SLC52A2: variants seen among roughly 807,000 people sequenced by gnomAD.
The protein encoded by SLC52A2 is solute carrier family 52, riboflavin transporter, member 2.
Under a neutral mutation model 24.8 loss-of-function variants are expected in SLC52A2, and 16 were observed. That is an observed-to-expected ratio of 0.64 (90% CI 0.44 to 0.98). The LOEUF (loss-of-function observed/expected upper bound fraction) is 0.98. Among genes scored for constraint, SLC52A2 ranks in the 50% least tolerant of loss-of-function variants. The pLI is 0.00. For synonymous variants in SLC52A2, 335 were observed against 276.3 expected (o/e 1.21, Z -2.11); for missense variants, 612 against 575.9 (o/e 1.06, Z -0.64).
chr8:144,361,127 C>A lies in SLC52A2; in HGVS notation c.*112C>A, dbSNP rs2130654613. 3.7e-6 allele frequency: 4 copies of A among 1,089,116 alleles called. No individual in the cohort carries two copies. In the Middle Eastern group the frequency reaches 6.1e-4, roughly 166 times the overall value. The allele number at this position is 1,089,116 out of a possible 1,614,324, so 67.5% of individuals were successfully genotyped here. On this transcript the variant is annotated 3_prime_UTR_variant, in exon 5 of 5. Coordinates refer to ENST00000643944, the MANE Select transcript of SLC52A2 (RefSeq NM_001363118.2). ...CCGCACACCGGTACACTCGTGGACACCTACACACTCCATAGGAGATCCTGG... is the reference window on the plus strand; with the variant it reads ...CCGCACACCGGTACACTCGTGGACAACTACACACTCCATAGGAGATCCTGG...
At position 144,360,096 on chromosome 8, in the gene SLC52A2, G is replaced by T. The variant is rs2130642986; in HGVS notation, c.604G>T (p.Ala202Ser). ...CAGCACCTTCTTCTGGGCACTGACT[G>T]CCCTTCTGGTCGCTTCAGCTGCTGC... ...PASTFFWALT[A>S]LLVASAAAFQ... Residue 202 changes from alanine to serine, a missense_variant, in exon 3 of 5, where the codon GCC becomes TCC. Transcript: ENST00000643944. 1 of 1,612,986 alleles carries T rather than the reference G, an allele frequency of 6.2e-7. No individual in the cohort carries two copies. The highest frequency in any genetic ancestry group is 2.2e-5 in the East Asian group (1 of 44,888).
At position 144,360,663 on chromosome 8, in the gene SLC52A2, C is replaced by G; in HGVS notation, c.1075C>G (p.Leu359Val). ...GGGCTACCTGATGGCGCTGGCAGTCCTGAGCCCCTGCCCGCCCCTGGTGGG... is the reference window on the plus strand; with the variant it reads ...GGGCTACCTGATGGCGCTGGCAGTCGTGAGCCCCTGCCCGCCCCTGGTGGG... ...CGGYLMALAV[L>V]SPCPPLVGTS... The change falls in exon 4 of 5, where the codon CTG (leucine) becomes GTG (valine). Residue 359 changes from leucine (L) to valine (V), a missense_variant. Coordinates refer to ENST00000643944, the MANE Select transcript of SLC52A2 (RefSeq NM_001363118.2). The G allele has an allele frequency of 1.2e-6, 2 of 1,604,860 alleles. No homozygotes were observed. The highest frequency in any genetic ancestry group is 1.7e-6 in the Non-Finnish European group (2 of 1,179,468).
Position 144,358,715 on chromosome 8 carries a change from G to T in SLC52A2, c.-461G>T, listed in dbSNP as rs540079494. On this transcript the variant is annotated 5_prime_UTR_variant, in exon 1 of 5. Transcript: ENST00000643944. The stretch of plus-strand genomic sequence containing the variant: ...GGCGTGGCGGGAAGCCGGCACTGGA[G>T]CGGGAGCGCACTGGGCGCGGGACCG... The T allele has an allele frequency of 5.1e-4, 184 of 360,022 alleles. 1 individual carries two copies. Among genetic ancestry groups the T allele is most frequent in the African/African-American group, 3.6e-3 (172 of 47,628 alleles). The allele number at this position is 360,022 out of a possible 1,614,324, so 22.3% of individuals were successfully genotyped here.
chr8:144,359,281 A>G lies in SLC52A2; in HGVS notation c.-13A>G. The G allele has an allele frequency of 6.2e-7, 1 of 1,606,364 alleles. No homozygotes were observed. The highest frequency in any genetic ancestry group is 1.1e-5 in the South Asian group (1 of 90,064). On this transcript the variant is annotated 5_prime_UTR_variant, in exon 2 of 5. Coordinates refer to ENST00000643944, the MANE Select transcript of SLC52A2 (RefSeq NM_001363118.2). ...CCTTTGCCCTGACCTGGAAGGGCCC[A>G]GCCTTGGGCTGAATGGCAGCACCCA...
At position 144,359,347 on chromosome 8, in the gene SLC52A2, C is replaced by T; in HGVS notation, c.54C>T (p.Leu18=). 6.2e-7 allele frequency: 1 copy of T among 1,614,000 alleles called. No homozygotes were observed. The highest frequency in any genetic ancestry group is 8.5e-7 in the Non-Finnish European group (1 of 1,179,996). ...RPVLTHLLVA[L]FGMGSWAAVN... is the part of the protein sequence containing the mutation. ...TGCTGACCCACCTGCTGGTGGCTCT[C>T]TTCGGCATGGGCTCCTGGGCTGCGG... Residue 18 remains leucine (L), a synonymous_variant, in exon 2 of 5, where the codon CTC becomes CTT. Coordinates refer to ENST00000643944, the MANE Select transcript of SLC52A2 (RefSeq NM_001363118.2).
chr8:144,359,080 A>G lies in SLC52A2; in HGVS notation c.-111+15A>G, dbSNP rs114304511. ...GGTCCCGCTGGGTACGTTTTAGCCA[A>G]TCCTCCCCATCTGCGCTCCTGCCCG... On this transcript the variant is annotated intron_variant, in intron 1 of 4. Coordinates refer to ENST00000643944, the MANE Select transcript of SLC52A2 (RefSeq NM_001363118.2). 7.4e-3 allele frequency: 4,907 copies of G among 660,422 alleles called. 95 individuals carry two copies. Among genetic ancestry groups the G allele is most frequent in the African/African-American group, 0.053 (2,908 of 54,536 alleles). 40.9% of individuals were successfully genotyped at this position (660,422 alleles called of 1,614,324 possible). A position where few individuals can be genotyped will look rare whatever the true frequency, so the allele number is the denominator to read the frequency against.
At position 144,360,176 on chromosome 8, in the gene SLC52A2, G is replaced by A. The variant is rs1818762163; in HGVS notation, c.684G>A (p.Glu228=). The A allele has an allele frequency of 1.2e-6, 2 of 1,612,886 alleles. No individual in the cohort carries two copies. Among genetic ancestry groups the A allele is most frequent in the Admixed American group, 1.7e-5 (1 of 60,020 alleles). ...LPPPPSVPTG[E]LGSGLQVGAP... ...CACCACCATCTGTACCCACAGGGGA[G>A]TTAGGATCAGGCCTCCAGGTGGGAG... Residue 228 remains glutamate, a synonymous_variant, in exon 3 of 5, where the codon GAG becomes GAA. Transcript: ENST00000643944.
chr8:144,361,110 C>A lies in SLC52A2; in HGVS notation c.*95C>A. 7.9e-7 allele frequency: 1 copy of A among 1,264,498 alleles called. No homozygotes were observed. Among genetic ancestry groups the A allele is most frequent in the Non-Finnish European group, 1.1e-6 (1 of 888,210 alleles). 78.3% of individuals were successfully genotyped at this position (1,264,498 alleles called of 1,614,324 possible). ...CCTGCAGCCCAGGAGGCCCGCACAC[C>A]GGTACACTCGTGGACACCTACACAC... On this transcript the variant is annotated 3_prime_UTR_variant, in exon 5 of 5. Coordinates refer to ENST00000643944, the MANE Select transcript of SLC52A2 (RefSeq NM_001363118.2).
intron 3 of SLC52A2, 39 bp from the exon 4 acceptor site, chr8:144,360,551 T>C (rs782046321): frequency 6.3e-7 from 1 of 1,582,660 alleles, no homozygotes; most frequent in Admixed American, 1.7e-5. Context: ...AGCCAGGTCC[T>C]GGCGCAGTCA....
Position 144,360,054 on chromosome 8 carries a change from C to T in SLC52A2, c.562C>T (p.Leu188Phe), listed in dbSNP as rs1554854061. 3 of 1,612,836 alleles carry T rather than the reference C, an allele frequency of 1.9e-6. No individual in the cohort carries two copies. Among genetic ancestry groups the T allele is most frequent in the South Asian group, 1.1e-5 (1 of 91,092 alleles). Residue 188 changes from leucine (L) to phenylalanine (F), a missense_variant, in exon 3 of 5, where the codon CTT (leucine) becomes TTT (phenylalanine). Coordinates refer to ENST00000643944, the MANE Select transcript of SLC52A2 (RefSeq NM_001363118.2). ...NGTPGPPLDF[L>F]ERFPASTFFW... Reference sequence around the variant, plus strand: ...CACCCCTGGCCCCCCGCTCGACTTCCTTGAGCGTTTTCCCGCCAGCACCTT... The same window carrying T: ...CACCCCTGGCCCCCCGCTCGACTTCTTTGAGCGTTTTCCCGCCAGCACCTT...
At position 144,359,941 on chromosome 8, in the gene SLC52A2, G is replaced by C; in HGVS notation, c.449G>C (p.Gly150Ala). The C allele has an allele frequency of 6.2e-7, 1 of 1,613,456 alleles. No homozygotes were observed. The highest frequency in any genetic ancestry group is 8.5e-7 in the Non-Finnish European group (1 of 1,180,006). Residue 150 changes from glycine (G) to alanine (A), a missense_variant, in exon 3 of 5, where the codon GGT (glycine) becomes GCT (alanine). Physicochemically the swap from Gly to Ala is moderately conservative, Grantham distance 60 (BLOSUM62 0). Transcript: ENST00000643944. Reference protein sequence around the residue: ...PPRFLRSFFLGQGLSALLPCV... With the variant: ...PPRFLRSFFLAQGLSALLPCV... ...CGCTTCTTACGGTCATTCTTCCTGG[G>C]TCAAGGCCTGAGTGCCCTGCTGCCC...
rs1554853770 is a variant in SLC52A2 at position 144,359,396 on chromosome 8, C to T, written c.103C>T (p.Pro35Ser). ...GGTCAATGGGATCTGGGTGGAGCTA[C>T]CTGTGGTGGTCAAAGAGCTTCCAGA... is the stretch of plus-strand genomic sequence containing the variant. Reference protein sequence around the residue: ...AAVNGIWVELPVVVKELPEGW... With the variant: ...AAVNGIWVELSVVVKELPEGW... The change falls in exon 2 of 5, where the codon CCT becomes TCT. Residue 35 changes from proline to serine, a missense_variant. Transcript: ENST00000643944. The T allele has an allele frequency of 6.2e-7, 1 of 1,614,034 alleles. No individual in the cohort carries two copies. The highest frequency in any genetic ancestry group is 1.7e-5 in the Admixed American group (1 of 60,002).
Position 144,359,238 on chromosome 8 carries a change from G to A in SLC52A2, c.-56G>A. On this transcript the variant is annotated 5_prime_UTR_variant, in exon 2 of 5. Coordinates refer to ENST00000643944, the MANE Select transcript of SLC52A2 (RefSeq NM_001363118.2). ...CCAAAGCGTGTCTGGCCCTAGGTGG[G>A]AAAAGAACTGGCTGTGACCTTTGCC... is the stretch of plus-strand genomic sequence containing the variant. 1 of 1,554,484 alleles carries A rather than the reference G, an allele frequency of 6.4e-7. No homozygotes were observed. The highest frequency in any genetic ancestry group is 8.7e-7 in the Non-Finnish European group (1 of 1,152,504).
chr8:144,361,037 G>A lies in SLC52A2; in HGVS notation c.*22G>A, dbSNP rs781838883. On this transcript the variant is annotated 3_prime_UTR_variant, in exon 5 of 5. Coordinates refer to ENST00000643944, the MANE Select transcript of SLC52A2 (RefSeq NM_001363118.2). The stretch of plus-strand genomic sequence containing the variant: ...CTGAGCCTGGGCAGGTGGGGACCCC[G>A]CTCCCCAACACCTGTCTTTCCCTCA... 8.1e-6 allele frequency: 13 copies of A among 1,603,158 alleles called. No homozygotes were observed. Among genetic ancestry groups the A allele is most frequent in the South Asian group, 1.1e-5 (1 of 90,854 alleles).
chr8:144,359,970 G>C lies in SLC52A2; in HGVS notation c.478G>C (p.Val160Leu). The change falls in exon 3 of 5, where the codon GTG becomes CTG. Residue 160 changes from valine (V) to leucine (L), a missense_variant. By Grantham distance (32) the Val-to-Leu change is conservative (BLOSUM62 1). Transcript: ENST00000643944. ...AGGCCTGAGTGCCCTGCTGCCCTGC[G>C]TGCTGGCCCTAGTGCAGGGTGTGGG... is the stretch of plus-strand genomic sequence containing the variant. Reference protein sequence around the residue: ...GQGLSALLPCVLALVQGVGRL... With the variant: ...GQGLSALLPCLLALVQGVGRL... 6.2e-7 allele frequency: 1 copy of C among 1,613,160 alleles called. No individual in the cohort carries two copies. Among genetic ancestry groups the C allele is most frequent in the Non-Finnish European group, 8.5e-7 (1 of 1,179,990 alleles).
intron 2 of SLC52A2, 72 bp from the exon 3 acceptor site, chr8:144,359,551 G>A: frequency 6.2e-7 from 1 of 1,604,908 alleles, no homozygotes; most frequent in Non-Finnish European, 8.5e-7. Context: ...GGTGTGCCCA[G>A]GAAGGTGGGC....
chr8:144,360,575 GCTCGCT>G lies in SLC52A2; in HGVS notation c.1002-13_1002-8del. 3.1e-6 allele frequency: 5 copies of G among 1,591,206 alleles called. No individual in the cohort carries two copies. The highest frequency in any genetic ancestry group is 4.3e-6 in the Non-Finnish European group (5 of 1,172,768). ...CTGGCGCAGTCAGCCCTGACATTCT[GCTCGCT>G]CACTGCAGGTCCTTGGCAGGGCTGG... On this transcript the variant is annotated splice_polypyrimidine_tract_variant and intron_variant, in intron 3 of 4. Coordinates refer to ENST00000643944, the MANE Select transcript of SLC52A2 (RefSeq NM_001363118.2).
At position 144,358,990 on chromosome 8, in the gene SLC52A2, C is replaced by T. The variant is rs1235834646; in HGVS notation, c.-186C>T. On this transcript the variant is annotated 5_prime_UTR_variant, in exon 1 of 5. Coordinates refer to ENST00000643944, the MANE Select transcript of SLC52A2 (RefSeq NM_001363118.2). ...CCTGGAGAGGAGGGCTCCACTCGCT[C>T]CTTCGGCCTCCTCCCCTGGGGCCGC... 1.7e-5 allele frequency: 6 copies of T among 363,458 alleles called. No homozygotes were observed. The highest frequency in any genetic ancestry group is 4.2e-5 in the African/African-American group (2 of 47,722). 22.5% of individuals were successfully genotyped at this position (363,458 alleles called of 1,614,324 possible). A position where few individuals can be genotyped will look rare whatever the true frequency, so the allele number is the denominator to read the frequency against.
At position 144,359,923 on chromosome 8, in the gene SLC52A2, T is replaced by C; in HGVS notation, c.431T>C (p.Leu144Ser). ...PFLSHLPPRF[L>S]RSFFLGQGLS... ...TTGAGCCACCTGCCACCTCGCTTCT[T>C]ACGGTCATTCTTCCTGGGTCAAGGC... is the stretch of plus-strand genomic sequence containing the variant. Residue 144 changes from leucine to serine, a missense_variant, in exon 3 of 5, where the codon TTA (leucine) becomes TCA (serine). Transcript: ENST00000643944. 6.2e-7 allele frequency: 1 copy of C among 1,613,676 alleles called. No homozygotes were observed. The highest frequency in any genetic ancestry group is 8.5e-7 in the Non-Finnish European group (1 of 1,180,024).
Sources: gnomAD v4.1 joint callset for allele counts on GRCh38, gnomAD v4.1.1 for gene constraint, MANE v1.5 for transcripts, NCBI Gene and HGNC (gene_info 2026-07-23, HGNC 2026-07-21) for gene names.